CDIN1: variants seen among roughly 807,000 people sequenced by gnomAD.
CDIN1 encodes the protein CDAN1 interacting nuclease 1, also known as CDAN1-interacting nuclease 1.
Under a neutral mutation model 45.3 loss-of-function variants are expected in CDIN1, and 33 were observed. That is an observed-to-expected ratio of 0.73 (90% CI 0.55 to 0.97). CDIN1 has a LOEUF of 0.97. Among genes scored for constraint, CDIN1 ranks in the 50% least tolerant of loss-of-function variants. The pLI is 0.00. For missense variants in CDIN1, 303 were observed against 339.4 expected (o/e 0.89, Z 0.84); for synonymous variants, 118 against 124.4 (o/e 0.95, Z 0.34).
At chr15:36,804,336 G>A (rs184818837) in intron 10 of CDIN1, among the ~76,000 whole-genome samples, 14 of 152,148 alleles carry the variant, frequency 9.2e-5, no homozygotes, top group African/African-American at 2.4e-4. Context: ...TTGCCATGCC[G>A]AGGCAATGGC....
At chr15:36,645,816 T>C (rs1171514613) in intron 3 of CDIN1, among the ~76,000 whole-genome samples, 1 of 152,194 alleles carries the variant, frequency 6.6e-6, no homozygotes, top group Non-Finnish European at 1.5e-5. Flanking sequence ...TTGTAGTGTA[T>C]AACGGTCACA....
intron 10 of CDIN1, among the ~76,000 whole-genome samples, chr15:36,744,973 A>T (rs1394993404): frequency 6.6e-6 from 1 of 152,166 alleles, no homozygotes; most frequent in Non-Finnish European, 1.5e-5. Context: ...TTTTGTATAC[A>T]TCCATAAGTC....
chr15:36,617,688 GTGATTC>G (rs948684543), intron 1 of CDIN1: 20 of 770,922 alleles, frequency 2.6e-5, no homozygotes, highest in African/African-American at 1.9e-4. Flanking sequence ...GCGTTGTATT[GTGATTC>G]TTAGAGAGAT....
chr15:36,778,675 G>A lies in CDIN1; in HGVS notation c.717-29649G>A, dbSNP rs911723543. ...TGTTTGGATGTTGGCAGGTTTTAGG[G>A]GTGGGAGGGGAGAAAGTTGTATTTT... On this transcript the variant is annotated intron_variant, in intron 10 of 10. Coordinates refer to ENST00000566621, the MANE Select transcript of CDIN1 (RefSeq NM_001321759.2). Among the ~76,000 whole-genome samples the A allele has an allele frequency of 2.6e-4, 39 of 152,272 alleles. 1 individual carries two copies.
At position 36,579,935 on chromosome 15, in the gene CDIN1, G is replaced by C. The variant is rs755149345; in HGVS notation, c.75G>C (p.Leu25=). ...LVSVPPTRQS[L]RKLKQRFPSQ... ...CTGTGCCGCCTACCAGGCAGAGCCT[G>C]AGGAAGCTGAAGCAGAGGTTTCCCA... is the stretch of plus-strand genomic sequence containing the variant. Residue 25 remains leucine (L), a synonymous_variant, in exon 1 of 11, where the codon CTG becomes CTC. Transcript: ENST00000566621. 6.2e-7 allele frequency: 1 copy of C among 1,613,814 alleles called. No individual in the cohort carries two copies. The highest frequency in any genetic ancestry group is 8.5e-7 in the Non-Finnish European group (1 of 1,179,824).
chr15:36,727,715 G>A (rs748967518), intron 10 of CDIN1, among the ~76,000 whole-genome samples: 1 of 152,130 alleles, frequency 6.6e-6, no homozygotes, highest in Non-Finnish European at 1.5e-5. Flanking sequence ...AGGGCCAAAA[G>A]GTGAAACATT....
At chr15:36,679,939 C>T (rs934354416) in intron 5 of CDIN1, among the ~76,000 whole-genome samples, 1 of 152,136 alleles carries the variant, frequency 6.6e-6, no homozygotes, top group Non-Finnish European at 1.5e-5. Context: ...GAGCCAAGGC[C>T]AAATTGCCAA....
intron 1 of CDIN1, chr15:36,619,172 G>A: frequency 1.6e-6 from 2 of 1,233,318 alleles, no homozygotes; most frequent in Non-Finnish European, 2.3e-6. Context: ...GGAAAAATCA[G>A]GGAACAGAGA....
chr15:36,625,923 TTTG>T (rs1351159377), intron 1 of CDIN1, among the ~76,000 whole-genome samples: 2 of 152,108 alleles, frequency 1.3e-5, no homozygotes, highest in African/African-American at 4.8e-5. Context: ...ACTGGATTAT[TTTG>T]TTACCTTTTA....
At chr15:36,707,996 G>A (rs959914169) in intron 8 of CDIN1, 1 of 152,096 alleles carries the variant, frequency 6.6e-6, no homozygotes, top group African/African-American at 2.4e-5. Flanking sequence ...ACAGCTTAAG[G>A]ATATTGACTT....
intron 1 of CDIN1, among the ~76,000 whole-genome samples, chr15:36,598,972 C>G (rs2037970688): frequency 6.6e-6 from 1 of 152,164 alleles, no homozygotes; most frequent in South Asian, 2.1e-4. Flanking sequence ...ATTTGATCTT[C>G]CAGCTGTACG....
chr15:36,703,398 TATATGATATAC>T (rs1249189639), intron 8 of CDIN1, among the ~76,000 whole-genome samples: 28 of 26,710 alleles, frequency 1.0e-3, no homozygotes, highest in Non-Finnish European at 1.3e-3. Flanking sequence ...GATATATATA[TATATGATATAC>T]ATATATATCA....
chr15:36,626,775 T>A (rs1878155115), intron 1 of CDIN1: 14 of 353,314 alleles, frequency 4.0e-5, no homozygotes, highest in South Asian at 3.4e-4. Flanking sequence ...TGTGCGTTAC[T>A]GATGATGATG....
rs3045909 is a variant in CDIN1, at chr15:36,718,812, C to CTTTTTTT, written c.716+8868_716+8874dup. Among the ~76,000 whole-genome samples the CTTTTTTT allele has an allele frequency of 1.9e-3, 181 of 96,658 alleles. 2 individuals carry two copies. The highest frequency in any genetic ancestry group is 2.5e-3 in the Non-Finnish European group (128 of 51,056). The allele number at this position is 96,658 out of a possible 152,430, so 63.4% of individuals were successfully genotyped here. A position where few individuals can be genotyped will look rare whatever the true frequency, so the allele number is the denominator to read the frequency against. ...TTTTACTTCACTTTCAATTTGTATG[C>CTTTTTTT]TTTTTTTTTTTTTTTTTTTTTTTGC... On this transcript the variant is annotated intron_variant, in intron 10 of 10. Transcript: ENST00000566621.
intron 5 of CDIN1, among the ~76,000 whole-genome samples, chr15:36,689,630 A>C (rs1417703494): frequency 6.6e-6 from 1 of 152,154 alleles, no homozygotes; most frequent in African/African-American, 2.4e-5. Flanking sequence ...GTCCCCTCTG[A>C]CTGGCCAGGC....
intron 1 of CDIN1, chr15:36,617,613 A>C: frequency 1.3e-6 from 1 of 772,178 alleles, no homozygotes; most frequent in Non-Finnish European, 2.4e-6. Context: ...TAATTCTTGA[A>C]GTGTTAAGTT....
intron 5 of CDIN1, among the ~76,000 whole-genome samples, chr15:36,662,910 C>CATCCAAA (rs566105965): frequency 7.2e-6 from 1 of 138,400 alleles, no homozygotes; most frequent in East Asian, 2.2e-4. Context: ...ACTGGATGAG[C>CATCCAAA]ATCCAAAATC....
intron 5 of CDIN1, among the ~76,000 whole-genome samples, chr15:36,663,329 C>CT (rs1450072716): frequency 6.6e-6 from 1 of 152,062 alleles, no homozygotes; most frequent in African/African-American, 2.4e-5. Context: ...TTGATGAGAG[C>CT]TTTTATTTAG....
At chr15:36,658,903 C>T (rs2040881298) in intron 5 of CDIN1, among the ~76,000 whole-genome samples, 1 of 152,172 alleles carries the variant, frequency 6.6e-6, no homozygotes, top group African/African-American at 2.4e-5. Flanking sequence ...TTAAGTACTT[C>T]CCCTAAAAAT....
Sources: allele counts gnomAD v4.1 joint callset (sites outside exome capture counted in the v4.1 genomes callset), GRCh38; gene constraint gnomAD v4.1.1; transcripts MANE v1.5; gene names NCBI Gene and HGNC (gene_info 2026-07-23, HGNC 2026-07-21).